UGT1A3: variants seen among roughly 807,000 people sequenced by gnomAD.
The protein encoded by UGT1A3 is UDP glucuronosyltransferase family 1 member A3.
In UGT1A3, 31 loss-of-function variants were observed where a neutral mutation model predicts 41.0. The observed-to-expected ratio is 0.76, with a 90% CI of 0.57 to 1.02. UGT1A3 has a LOEUF of 1.02. UGT1A3 is among the 50% of genes least tolerant of loss of function. The pLI, the probability that UGT1A3 is intolerant of heterozygous loss-of-function variation, is 0.00. For synonymous variants in UGT1A3, 262 were observed against 257.6 expected, an observed-to-expected ratio of 1.02 and a Z score of -0.17; for missense variants, 737 against 671.0, an observed-to-expected ratio of 1.10 and a Z score of -1.09.
At position 233,729,509 on chromosome 2, in the gene UGT1A3, G is replaced by C; in HGVS notation, c.383G>C (p.Cys128Ser). ...ATGTCTTTGGTCTATCATAGGTCTTGTGTGGAGCTACTACATAATGAGGCC... is the reference window on the plus strand; with the variant it reads ...ATGTCTTTGGTCTATCATAGGTCTTCTGTGGAGCTACTACATAATGAGGCC... ...NNMSLVYHRS[C>S]VELLHNEALI... The change falls in exon 1 of 5, where the codon TGT becomes TCT. Residue 128 changes from cysteine to serine, a missense_variant. Coordinates refer to ENST00000482026, the MANE Select transcript of UGT1A3 (RefSeq NM_019093.4). 6.2e-7 allele frequency: 1 copy of C among 1,614,214 alleles called. No individual in the cohort carries two copies. Among genetic ancestry groups the C allele is most frequent in the South Asian group, 1.1e-5 (1 of 91,084 alleles).
chr2:233,755,109 T>C, intron 1 of UGT1A3: 1 of 1,333,450 alleles, frequency 7.5e-7, no homozygotes, highest in Non-Finnish European at 1.0e-6. Flanking sequence ...CGACAACACC[T>C]CGTAGGCCTC....
intron 1 of UGT1A3, chr2:233,741,740 C>G (rs1158976781): frequency 1.3e-5 from 2 of 151,864 alleles, no homozygotes; most frequent in Admixed American, 6.6e-5. Flanking sequence ...CCATATCACA[C>G]TCTTTGTTGG....
chr2:233,750,413 A>G, intron 1 of UGT1A3, among the ~76,000 whole-genome samples: 1 of 151,976 alleles, frequency 6.6e-6, no homozygotes, highest in East Asian at 1.9e-4. Context: ...ACCATGTGGT[A>G]GAAAAGAAAA....
chr2:233,751,391 A>G (rs1477667065), intron 1 of UGT1A3, among the ~76,000 whole-genome samples: 1 of 152,112 alleles, frequency 6.6e-6, no homozygotes, highest in African/African-American at 2.4e-5. Flanking sequence ...TGTCTCAGAT[A>G]AGACTTTGGA....
rs886044684 is a variant in UGT1A3 at position 233,767,925 on chromosome 2, A to G, written c.1076A>G (p.Asn359Ser). The G allele has an allele frequency of 1.2e-6, 2 of 1,614,156 alleles. No homozygotes were observed. Among genetic ancestry groups the G allele is most frequent in the Non-Finnish European group, 1.7e-6 (2 of 1,180,038 alleles). The change falls in exon 3 of 5, where the codon AAC (asparagine) becomes AGC (serine). Residue 359 changes from asparagine (N) to serine (S), a missense_variant. Transcript: ENST00000482026. ...ATACTTGTTAAGTGGCTACCCCAAA[A>G]CGATCTGCTTGGTATGTTGGGCGGA... ...NTILVKWLPQ[N>S]DLLGHPMTRA...
intron 1 of UGT1A3, chr2:233,760,103 T>C: frequency 1.7e-6 from 2 of 1,163,022 alleles, no homozygotes; most frequent in Non-Finnish European, 2.3e-6. Context: ...TGTTGCCTAT[T>C]AAGAAACCTA....
Position 233,747,767 on chromosome 2 carries a change from A to G in UGT1A3, c.867+17774A>G, listed in dbSNP as rs1240243146. 273 of 1,613,386 alleles carry G rather than the reference A, an allele frequency of 1.7e-4. 1 individual carries two copies. The South Asian group carries it at 2.9e-3, about 17-fold the overall frequency. On this transcript the variant is annotated intron_variant, in intron 1 of 4. Coordinates refer to ENST00000482026, the MANE Select transcript of UGT1A3 (RefSeq NM_019093.4). ...CATGTGATTTAGACTTTAAGGGCAC[A>G]CAGTGTCCAAATCCTTCCTCCTATA... is the stretch of plus-strand genomic sequence containing the variant.
chr2:233,745,199 G>C (rs1446932556), intron 1 of UGT1A3, among the ~76,000 whole-genome samples: 2 of 151,776 alleles, frequency 1.3e-5, no homozygotes, highest in Non-Finnish European at 2.9e-5. Context: ...AAAACAACCA[G>C]GGAGATCCTC....
intron 3 of UGT1A3, 52 bp downstream of exon 3, chr2:233,767,988 A>T: frequency 3.1e-6 from 5 of 1,614,160 alleles, no homozygotes; most frequent in Non-Finnish European, 3.4e-6. Context: ...AATTAAGAAA[A>T]TGGCTTAAGC....
At chr2:233,753,869 G>A (rs1051497204) in intron 1 of UGT1A3, among the ~76,000 whole-genome samples, 1 of 152,142 alleles carries the variant, frequency 6.6e-6, no homozygotes, top group African/African-American at 2.4e-5. Context: ...TAACCCCAAG[G>A]TCTGTCCTCA....
Position 233,768,243 on chromosome 2 carries a change from A to T in UGT1A3, c.1111A>T (p.Ile371Phe). The T allele has an allele frequency of 6.2e-7, 1 of 1,614,146 alleles. No individual in the cohort carries two copies. The highest frequency in any genetic ancestry group is 8.5e-7 in the Non-Finnish European group (1 of 1,180,022). Residue 371 changes from isoleucine to phenylalanine, a missense_variant, in exon 4 of 5, where the codon ATC (isoleucine) becomes TTC (phenylalanine). Ile to Phe is a conservative substitution (Grantham distance 21). Transcript: ENST00000482026. The part of the protein sequence containing the change: ...LLGHPMTRAF[I>F]THAGSHGVYE... Reference sequence around the variant, plus strand: ...AGGTCACCCGATGACCCGTGCCTTTATCACCCATGCTGGTTCCCATGGTGT... The same window carrying T: ...AGGTCACCCGATGACCCGTGCCTTTTTCACCCATGCTGGTTCCCATGGTGT...
chr2:233,757,637 C>T (rs375047032), intron 1 of UGT1A3, among the ~76,000 whole-genome samples: 1 of 148,590 alleles, frequency 6.7e-6, no homozygotes, highest in Non-Finnish European at 1.5e-5. Context: ...CAGAACAGAA[C>T]AAAATGCTGT....
At chr2:233,747,788 C>A in intron 1 of UGT1A3, 1 of 1,613,516 alleles carries the variant, frequency 6.2e-7, no homozygotes. Context: ...ATCCTTCCTC[C>A]TATATTCCTA....
rs753668254 is a variant in UGT1A3 at position 233,760,974 on chromosome 2, G to A, written c.868-6060G>A. On this transcript the variant is annotated intron_variant, in intron 1 of 4. Coordinates refer to ENST00000482026, the MANE Select transcript of UGT1A3 (RefSeq NM_019093.4). ...TTCTGTGCGACGTGGTTTATTCCCC[G>A]TATGCAACCCTTGCCTCAGAATTCC... 78 of 1,614,002 alleles carry A rather than the reference G, an allele frequency of 4.8e-5. No individual in the cohort carries two copies. Among genetic ancestry groups the A allele is most frequent in the Admixed American group, 2.5e-4 (15 of 59,996 alleles).
intron 1 of UGT1A3, among the ~76,000 whole-genome samples, chr2:233,751,179 A>G (rs1253259700): frequency 9.9e-5 from 15 of 151,976 alleles, no homozygotes; most frequent in African/African-American, 3.6e-4. Flanking sequence ...GATATGAGAC[A>G]TGAAGTTAAA....
chr2:233,768,512 T>C (rs1026092471), intron 4 of UGT1A3, 73 bp downstream of exon 4: 15 of 1,552,814 alleles, frequency 9.7e-6, no homozygotes, highest in South Asian at 4.8e-5. Context: ...ATGAAAACAT[T>C]TACGTAGCAT....
At chr2:233,763,211 A>C (rs985100909) in intron 1 of UGT1A3, among the ~76,000 whole-genome samples, 2 of 152,222 alleles carry the variant, frequency 1.3e-5, no homozygotes, top group Non-Finnish European at 2.9e-5. Context: ...AGTCAGGCTT[A>C]GGTGTGAAAA....
intron 1 of UGT1A3, chr2:233,755,329 C>G (rs1159047004): frequency 4.3e-6 from 2 of 468,526 alleles, no homozygotes; most frequent in African/African-American, 2.0e-5. Flanking sequence ...CTGCCAGCAC[C>G]CGCGCACAGG....
At chr2:233,765,952 G>A (rs898895578) in intron 1 of UGT1A3, among the ~76,000 whole-genome samples, 1 of 152,064 alleles carries the variant, frequency 6.6e-6, no homozygotes, top group Non-Finnish European at 1.5e-5. Context: ...TGACCTCACC[G>A]GCAGTGTCTA....
Sources: allele counts gnomAD v4.1 joint callset (sites outside exome capture counted in the v4.1 genomes callset), GRCh38; gene constraint gnomAD v4.1.1; transcripts MANE v1.5; gene names NCBI Gene and HGNC (gene_info 2026-07-23, HGNC 2026-07-21).